Variants in NREP observed in about 807,000 individuals in gnomAD.
NREP encodes neuronal regeneration related protein.
Under a neutral mutation model 8.6 loss-of-function variants are expected in NREP, and 5 were observed. The ratio of observed to expected loss-of-function variants is 0.58; its 90% CI spans 0.30 to 1.22. The LOEUF (loss-of-function observed/expected upper bound fraction) is 1.22. Ranked by LOEUF, NREP falls within the 50% of genes most tolerant of loss-of-function variation. The pLI is 0.07. For synonymous variants in NREP, 27 were observed against 28.0 expected, an observed-to-expected ratio of 0.96 and a Z score of 0.11; for missense variants, 86 against 82.5, an observed-to-expected ratio of 1.04 and a Z score of -0.17.
At chr5:111,787,179 C>G (rs953321828) in intron 2 of NREP, among the ~76,000 whole-genome samples, 1 of 152,182 alleles carries the variant, frequency 6.6e-6, no homozygotes, top group African/African-American at 2.4e-5. Flanking sequence ...GTTGTATTCT[C>G]TGCTCAAGGT....
intron 2 of NREP, chr5:111,912,569 G>A (rs1754942751): frequency 6.6e-6 from 1 of 152,006 alleles, no homozygotes; most frequent in South Asian, 2.1e-4. Flanking sequence ...CCAAACTTCA[G>A]ACCAGTAATT....
intron 2 of NREP, among the ~76,000 whole-genome samples, chr5:111,803,694 C>T (rs1752068890): frequency 6.6e-6 from 1 of 152,072 alleles, no homozygotes; most frequent in African/African-American, 2.4e-5. Context: ...GTCCTATTAC[C>T]TAAAATATTC....
intron 2 of NREP, chr5:111,975,181 A>T: frequency 1.2e-6 from 1 of 820,226 alleles, no homozygotes; most frequent in Non-Finnish European, 2.0e-6. Flanking sequence ...GAATGACTGC[A>T]CCAGTTCAGG....
intron 2 of NREP, among the ~76,000 whole-genome samples, chr5:111,777,207 C>T (rs1274400789): frequency 6.6e-6 from 1 of 152,066 alleles, no homozygotes; most frequent in Admixed American, 6.6e-5. Context: ...ATGGATGGTA[C>T]ATAATTAATA....
intron 2 of NREP, among the ~76,000 whole-genome samples, chr5:111,890,559 G>A (rs1372240527): frequency 6.6e-6 from 1 of 152,196 alleles, no homozygotes; most frequent in Non-Finnish European, 1.5e-5. Flanking sequence ...TCCAAACTCT[G>A]CCTGGGCACC....
chr5:111,884,163 A>G (rs1448386283), intron 2 of NREP, among the ~76,000 whole-genome samples: 1 of 151,996 alleles, frequency 6.6e-6, no homozygotes, highest in Non-Finnish European at 1.5e-5. Flanking sequence ...TCCCACAGAA[A>G]TACAAACTAC....
At position 111,823,164 on chromosome 5, in the gene NREP, T is replaced by A. The variant is rs545997224; in HGVS notation, c.136-87657A>T. 3.3e-5 allele frequency among the ~76,000 whole-genome samples: 5 copies of A among 152,278 alleles called. No homozygotes were observed. The South Asian group carries it at 1.0e-3, about 32-fold the overall frequency. ...GAGTGAGAGGGTAGGGGTCAGGTTC[T>A]TTTCAATACCCAGCTCTCACAAGAA... On this transcript the variant is annotated intron_variant, in intron 2 of 3. Coordinates refer to the NREP transcript ENST00000395634.
intron 2 of NREP, among the ~76,000 whole-genome samples, chr5:111,813,777 A>C (rs892795765): frequency 6.6e-6 from 1 of 152,066 alleles, no homozygotes; most frequent in Non-Finnish European, 1.5e-5. Context: ...GAGTGATCAC[A>C]TTCACAATTT....
chr5:111,925,780 G>A (rs13160727), intron 2 of NREP, among the ~76,000 whole-genome samples: 67,063 of 151,968 alleles, frequency 0.44, 16,857 homozygotes, highest in Non-Finnish European at 0.58. Flanking sequence ...AGGCCCTCCA[G>A]TATGCACATT....
At chr5:111,761,276 G>T (rs779590196), upstream of NREP, among the ~76,000 whole-genome samples, 2 of 152,070 alleles carry the variant, frequency 1.3e-5, no homozygotes, top group Non-Finnish European at 2.9e-5. Flanking sequence ...TCTCCTTCTG[G>T]CCTCATGTCT....
intron 2 of NREP, among the ~76,000 whole-genome samples, chr5:111,865,655 T>C (rs1234468711): frequency 1.3e-5 from 2 of 152,174 alleles, no homozygotes; most frequent in Non-Finnish European, 2.9e-5. Context: ...CTAATACTGA[T>C]CTTGCAAAAT....
chr5:111,884,559 G>C (rs1754185399), intron 2 of NREP, among the ~76,000 whole-genome samples: 2 of 152,122 alleles, frequency 1.3e-5, no homozygotes, highest in African/African-American at 4.8e-5. Context: ...GATGAACATT[G>C]ATGCAAAAAT....
chr5:111,871,642 T>A (rs1753793224), intron 2 of NREP, among the ~76,000 whole-genome samples: 1 of 151,888 alleles, frequency 6.6e-6, no homozygotes, highest in African/African-American at 2.4e-5. Flanking sequence ...TTCTATAAGT[T>A]TTTTCTATTT....
At chr5:111,963,615 C>G (rs1756542751) in intron 2 of NREP, among the ~76,000 whole-genome samples, 1 of 152,156 alleles carries the variant, frequency 6.6e-6, no homozygotes, top group Non-Finnish European at 1.5e-5. Context: ...GCAGAAGTTT[C>G]TGTGATCAAT....
intron 2 of NREP, among the ~76,000 whole-genome samples, chr5:111,806,916 G>GC (rs2112910085): frequency 6.6e-6 from 1 of 152,162 alleles, no homozygotes; most frequent in South Asian, 2.1e-4. Context: ...TTCTCTGGGA[G>GC]CAGAACCCTG....
intron 2 of NREP, among the ~76,000 whole-genome samples, chr5:111,950,077 G>T (rs904577292): frequency 2.4e-4 from 36 of 152,026 alleles, no homozygotes; most frequent in African/African-American, 8.0e-4. Context: ...TTCGTCCACA[G>T]CCTTGCCAGC....
intron 2 of NREP, among the ~76,000 whole-genome samples, chr5:111,857,863 C>G (rs1008267607): frequency 1.3e-5 from 2 of 152,036 alleles, no homozygotes; most frequent in Non-Finnish European, 2.9e-5. Context: ...TAGCTGTCTA[C>G]CTTCCTATAG....
intron 2 of NREP, among the ~76,000 whole-genome samples, chr5:111,949,505 G>T (rs2112631465): frequency 6.6e-6 from 1 of 151,954 alleles, no homozygotes; most frequent in Non-Finnish European, 1.5e-5. Context: ...ATTACTTTAA[G>T]TTCTGGGATA....
intron 2 of NREP, among the ~76,000 whole-genome samples, chr5:111,782,831 T>C (rs1349391912): frequency 1.3e-5 from 2 of 151,638 alleles, no homozygotes; most frequent in African/African-American, 4.8e-5. Flanking sequence ...GCCTCCTGGG[T>C]TCAAGCAATT....
Sources: allele counts gnomAD v4.1 joint callset (sites outside exome capture counted in the v4.1 genomes callset), GRCh38; gene constraint gnomAD v4.1.1; transcripts MANE v1.5; gene names NCBI Gene and HGNC (gene_info 2026-07-23, HGNC 2026-07-21).